NFIA: variants seen among roughly 807,000 people sequenced by gnomAD.
NFIA encodes nuclear factor I A, also known as nuclear factor 1 A-type.
Under a neutral mutation model 62.8 loss-of-function variants are expected in NFIA, and 8 were observed. That is an observed-to-expected ratio of 0.13 (90% CI 0.07 to 0.23). The LOEUF is 0.23. Among genes scored for constraint, NFIA ranks in the 10% least tolerant of loss-of-function variants. The probability of loss-of-function intolerance (pLI) is 1.00; values close to 1 mark genes in which losing one functional copy is unlikely to be tolerated. For missense variants in NFIA, 410 were observed against 642.1 expected (o/e 0.64, Z 3.91); for synonymous variants, 235 against 238.1 (o/e 0.99, Z 0.12).
At chr1:61,389,650 A>G (rs1000713838) in intron 7 of NFIA, among the ~76,000 whole-genome samples, 3 of 152,068 alleles carry the variant, frequency 2.0e-5, no homozygotes, top group Non-Finnish European at 4.4e-5. Context: ...TATTTAAACA[A>G]TTACTTTGTT....
chr1:61,340,191 G>C (rs1661824141), intron 4 of NFIA, among the ~76,000 whole-genome samples: 1 of 152,114 alleles, frequency 6.6e-6, no homozygotes, highest in African/African-American at 2.4e-5. Flanking sequence ...GATTTGAACT[G>C]GGGAGAAACA....
intron 3 of NFIA, among the ~76,000 whole-genome samples, chr1:61,307,893 T>A (rs1338324263): frequency 6.6e-6 from 1 of 152,246 alleles, no homozygotes; most frequent in Non-Finnish European, 1.5e-5. Context: ...CTTGTCTTCC[T>A]ATAAATGTCA....
At chr1:61,335,555 C>A (rs1661557722) in intron 4 of NFIA, among the ~76,000 whole-genome samples, 1 of 152,060 alleles carries the variant, frequency 6.6e-6, no homozygotes, top group Non-Finnish European at 1.5e-5. Flanking sequence ...TAGAAATAAG[C>A]TAACTGGCCA....
chr1:61,135,441 C>T, intron 2 of NFIA, among the ~76,000 whole-genome samples: 1 of 152,170 alleles, frequency 6.6e-6, no homozygotes, highest in African/African-American at 2.4e-5. Flanking sequence ...GGGTCTTGCT[C>T]TGTTGCACAG....
chr1:61,253,803 T>TA (rs1251382994), intron 2 of NFIA, among the ~76,000 whole-genome samples: 2 of 152,220 alleles, frequency 1.3e-5, no homozygotes, highest in Non-Finnish European at 2.9e-5. Context: ...CTTTTGTTGT[T>TA]ACTTGTCTTG....
intron 2 of NFIA, among the ~76,000 whole-genome samples, chr1:61,254,933 T>A (rs1656282131): frequency 6.6e-6 from 1 of 152,236 alleles, no homozygotes; most frequent in African/African-American, 2.4e-5. Flanking sequence ...TGTCAACAAC[T>A]GGCATGAGAA....
intron 2 of NFIA, among the ~76,000 whole-genome samples, chr1:61,187,011 C>T (rs1218419439): frequency 1.3e-5 from 2 of 152,154 alleles, no homozygotes; most frequent in African/African-American, 2.4e-5. Flanking sequence ...TACATGGAAG[C>T]CCTGGAAGGA....
chr1:61,105,762 G>A (rs1283835173), intron 2 of NFIA, among the ~76,000 whole-genome samples: 1 of 151,828 alleles, frequency 6.6e-6, no homozygotes, highest in Non-Finnish European at 1.5e-5. Context: ...ATGGATGGAT[G>A]GACATTGCTA....
intron 2 of NFIA, among the ~76,000 whole-genome samples, chr1:61,221,697 G>T (rs1015375357): frequency 4.6e-5 from 7 of 152,112 alleles, no homozygotes; most frequent in African/African-American, 1.7e-4. Context: ...CCATGACATG[G>T]TTTGGAGTAC....
At chr1:61,318,651 T>C (rs2100363039) in intron 3 of NFIA, among the ~76,000 whole-genome samples, 1 of 152,324 alleles carries the variant, frequency 6.6e-6, no homozygotes, top group East Asian at 1.9e-4. Flanking sequence ...AAACAGCAAA[T>C]GGATTTGGTC....
chr1:61,099,014 A>G (rs1452230323), intron 2 of NFIA, among the ~76,000 whole-genome samples: 1 of 152,228 alleles, frequency 6.6e-6, no homozygotes, highest in Admixed American at 6.5e-5. Flanking sequence ...ATTGTTCTAA[A>G]GATATTTGCC....
intron 2 of NFIA, among the ~76,000 whole-genome samples, chr1:61,247,301 A>G (rs188718844): frequency 1.7e-4 from 26 of 152,368 alleles, no homozygotes; most frequent in Admixed American, 1.5e-3. Context: ...TGAAACGTGT[A>G]CTTCACAGAC....
chr1:61,165,205 A>T (rs996218790), intron 2 of NFIA, among the ~76,000 whole-genome samples: 9 of 152,182 alleles, frequency 5.9e-5, no homozygotes, highest in South Asian at 2.1e-4. Context: ...TCTATTTTTT[A>T]AAAATGATGG....
At chr1:61,172,845 C>T (rs1201927460) in intron 2 of NFIA, among the ~76,000 whole-genome samples, 1 of 152,110 alleles carries the variant, frequency 6.6e-6, no homozygotes, top group Non-Finnish European at 1.5e-5. Context: ...TAACATAACT[C>T]GACAATCTAG....
intron 10 of NFIA, among the ~76,000 whole-genome samples, chr1:61,453,385 T>A (rs1366151436): frequency 6.6e-6 from 1 of 150,898 alleles, no homozygotes; most frequent in East Asian, 2.0e-4. Context: ...ATTACAGAGC[T>A]GCTCTGGGGT....
chr1:61,155,562 A>G (rs1433277352), intron 2 of NFIA, among the ~76,000 whole-genome samples: 1 of 150,208 alleles, frequency 6.7e-6, no homozygotes, highest in African/African-American at 2.5e-5. Context: ...AGTCCCAGCT[A>G]CTCAGGAGGC....
At chr1:61,094,802 T>C (rs1340938444) in intron 2 of NFIA, among the ~76,000 whole-genome samples, 1 of 152,216 alleles carries the variant, frequency 6.6e-6, no homozygotes, top group African/African-American at 2.4e-5. Flanking sequence ...ATGTTTTGTT[T>C]TAACTCCACA....
chr1:61,282,769 C>T (rs1267540659), intron 3 of NFIA, among the ~76,000 whole-genome samples: 2 of 152,296 alleles, frequency 1.3e-5, no homozygotes, highest in African/African-American at 4.8e-5. Context: ...GGTTATTTTT[C>T]CCTTCTATTT....
intron 5 of NFIA, among the ~76,000 whole-genome samples, chr1:61,355,533 A>C (rs546400747): frequency 1.3e-5 from 2 of 152,274 alleles, no homozygotes; most frequent in South Asian, 4.2e-4. Context: ...GTGCTTCCTA[A>C]CTTGCTTCAT....
Sources: gnomAD v4.1 joint callset for allele counts (sites outside exome capture counted in the v4.1 genomes callset) on GRCh38, gnomAD v4.1.1 for gene constraint, MANE v1.5 for transcripts, NCBI Gene and HGNC (gene_info 2026-07-23, HGNC 2026-07-21) for gene names.